HMGCLL1: variants seen among roughly 807,000 people sequenced by gnomAD.
The protein encoded by HMGCLL1 is 3-hydroxy-3-methylglutaryl-CoA lyase like 1.
Under a neutral mutation model 39.1 loss-of-function variants are expected in HMGCLL1, and 36 were observed. The ratio of observed to expected loss-of-function variants is 0.92; its 90% CI spans 0.71 to 1.22. The LOEUF (loss-of-function observed/expected upper bound fraction) is 1.22, where lower values mean the gene tolerates loss of function less well. Ranked by LOEUF, HMGCLL1 falls within the 50% of genes most tolerant of loss-of-function variation. HMGCLL1 has a pLI of 0.00. For synonymous variants in HMGCLL1, 149 were observed against 144.0 expected (o/e 1.03, Z -0.25); for missense variants, 451 against 416.5 (o/e 1.08, Z -0.72).
In HMGCLL1 at chr6:55,518,223, A is replaced by C. The variant is rs985150822; in HGVS notation, c.298-1620T>G. Among the ~76,000 whole-genome samples the C allele has an allele frequency of 3.3e-5, 5 of 151,358 alleles. No individual in the cohort carries two copies. In the East Asian group the frequency reaches 9.6e-4, roughly 29 times the overall value. ...AGTTAGTAGTATAGTTGGGGAGACA[A>C]AACAGATACACATGGAATGTTAACA... On this transcript the variant is annotated intron_variant, in intron 3 of 8. Coordinates refer to ENST00000274901, the MANE Select transcript of HMGCLL1 (RefSeq NM_001042406.2).
At chr6:55,576,451 A>G (rs894072349) in intron 1 of HMGCLL1, among the ~76,000 whole-genome samples, 1 of 152,226 alleles carries the variant, frequency 6.6e-6, no homozygotes, top group Non-Finnish European at 1.5e-5. Context: ...TAGAAAACAC[A>G]TTAAAAGTTT....
At chr6:55,623,665 A>G in the HMGCLL1 span, among the ~76,000 whole-genome samples, 1 of 149,244 alleles carries the variant, frequency 6.7e-6, no homozygotes, top group Non-Finnish European at 1.5e-5. Context: ...ATATATATAC[A>G]CAAACATATT....
the HMGCLL1 span, among the ~76,000 whole-genome samples, chr6:55,589,065 A>G: frequency 1.3e-4 from 20 of 152,306 alleles, no homozygotes; most frequent in African/African-American, 4.6e-4. Flanking sequence ...TGAGGCCAGC[A>G]TCATCCTGAT....
At chr6:55,484,778 T>C (rs1323158484) in intron 7 of HMGCLL1, among the ~76,000 whole-genome samples, 2 of 152,194 alleles carry the variant, frequency 1.3e-5, no homozygotes, top group Admixed American at 6.6e-5. Flanking sequence ...ATTTGTTTCC[T>C]GGACTATTGC....
chr6:55,479,993 T>C (rs1021493993), intron 7 of HMGCLL1, among the ~76,000 whole-genome samples: 9 of 151,676 alleles, frequency 5.9e-5, no homozygotes, highest in African/African-American at 2.2e-4. Flanking sequence ...GATTAAATGC[T>C]TGAAGAGGTT....
intron 7 of HMGCLL1, among the ~76,000 whole-genome samples, chr6:55,471,779 C>T (rs922294705): frequency 7.3e-5 from 11 of 151,438 alleles, no homozygotes; most frequent in Admixed American, 6.0e-4. Context: ...AGTTAAAACA[C>T]CACTCAGGTC....
chr6:55,628,303 AATTT>A, the HMGCLL1 span, among the ~76,000 whole-genome samples: 1 of 138,092 alleles, frequency 7.2e-6, no homozygotes, highest in Non-Finnish European at 1.5e-5. Context: ...TATTTAATTT[AATTT>A]ATTTATTTTT....
intron 1 of HMGCLL1, chr6:55,563,694 C>T (rs954191889): frequency 3.1e-6 from 1 of 324,550 alleles, no homozygotes; most frequent in Non-Finnish European, 5.9e-6. Flanking sequence ...AACCTGATAC[C>T]AAAGTTTACA....
In HMGCLL1 at chr6:55,453,601, T is replaced by G. The variant is rs976343912; in HGVS notation, c.796-14042A>C. ...GAAATGAAGGTCTATCTAAGGTTTA[T>G]GAATAATCATGCCATCATCAGCACT... is the stretch of plus-strand genomic sequence containing the variant. On this transcript the variant is annotated intron_variant, in intron 7 of 8. Transcript: ENST00000274901. Among the ~76,000 whole-genome samples the G allele has an allele frequency of 5.3e-5, 8 of 152,214 alleles. No individual in the cohort carries two copies. In the East Asian group the frequency reaches 1.3e-3, roughly 26 times the overall value.
the HMGCLL1 span, among the ~76,000 whole-genome samples, chr6:55,600,160 T>A: frequency 3.0e-4 from 45 of 152,154 alleles, no homozygotes; most frequent in South Asian, 6.2e-3. Flanking sequence ...ATCTCTAAAA[T>A]CATATTTCAC....
At chr6:55,469,585 A>G (rs770064371) in intron 7 of HMGCLL1, among the ~76,000 whole-genome samples, 2 of 151,352 alleles carry the variant, frequency 1.3e-5, no homozygotes, top group Non-Finnish European at 3.0e-5. Context: ...TTGCTTGAGC[A>G]AGGATGAGAG....
the HMGCLL1 span, among the ~76,000 whole-genome samples, chr6:55,594,728 T>C: frequency 6.6e-6 from 1 of 152,192 alleles, no homozygotes; most frequent in Non-Finnish European, 1.5e-5. Flanking sequence ...GTCTGTCCTG[T>C]TGCCCTGATG....
chr6:55,653,939 C>T, the HMGCLL1 span, among the ~76,000 whole-genome samples: 2 of 152,006 alleles, frequency 1.3e-5, no homozygotes, highest in Non-Finnish European at 2.9e-5. Flanking sequence ...TTTCATATCC[C>T]AAAATAATTA....
intron 3 of HMGCLL1, among the ~76,000 whole-genome samples, chr6:55,519,164 A>T (rs1767902963): frequency 6.6e-6 from 1 of 152,046 alleles, no homozygotes; most frequent in African/African-American, 2.4e-5. Flanking sequence ...AGCCATGGAG[A>T]ATGGGTGTTG....
At position 55,540,052 on chromosome 6, in the gene HMGCLL1, A is replaced by G. The variant is rs530598748; in HGVS notation, c.297+1677T>C. Among the ~76,000 whole-genome samples, 263 of 120,364 alleles carry G rather than the reference A, an allele frequency of 2.2e-3. 1 individual carries two copies. Among genetic ancestry groups the G allele is most frequent in the Non-Finnish European group, 4.0e-3 (221 of 55,944 alleles). 79.0% of individuals were successfully genotyped at this position (120,364 alleles called of 152,430 possible). Reference sequence around the variant, plus strand: ...AGGGAGGGAGGGAGGGAGGGAGGGAAGGAAGCAAAGGAGGGAAGGGAAGGA... The same window carrying G: ...AGGGAGGGAGGGAGGGAGGGAGGGAGGGAAGCAAAGGAGGGAAGGGAAGGA... On this transcript the variant is annotated intron_variant, in intron 3 of 8. Transcript: ENST00000274901.
the HMGCLL1 span, among the ~76,000 whole-genome samples, chr6:55,662,063 T>G: frequency 6.6e-6 from 1 of 151,832 alleles, no homozygotes; most frequent in Non-Finnish European, 1.5e-5. Flanking sequence ...GCTGAAGTTG[T>G]TTATCAGCTG....
chr6:55,459,737 A>C (rs1014095410), intron 7 of HMGCLL1, among the ~76,000 whole-genome samples: 5 of 152,116 alleles, frequency 3.3e-5, no homozygotes, highest in African/African-American at 1.2e-4. Flanking sequence ...GATGCTCACT[A>C]GAATAAGTTT....
intron 1 of HMGCLL1, among the ~76,000 whole-genome samples, chr6:55,575,812 A>G (rs1771734219): frequency 6.6e-6 from 1 of 152,140 alleles, no homozygotes; most frequent in South Asian, 2.1e-4. Context: ...CTAAGATCAA[A>G]CTCTATACCA....
At chr6:55,557,022 C>T (rs1292097430) in intron 1 of HMGCLL1, among the ~76,000 whole-genome samples, 1 of 152,138 alleles carries the variant, frequency 6.6e-6, no homozygotes, top group Non-Finnish European at 1.5e-5. Flanking sequence ...CACTTTCCTC[C>T]CTTCCCCCAG....
Sources: allele counts gnomAD v4.1 joint callset (sites outside exome capture counted in the v4.1 genomes callset), GRCh38; gene constraint gnomAD v4.1.1; transcripts MANE v1.5; gene names NCBI Gene and HGNC (gene_info 2026-07-23, HGNC 2026-07-21).